Variants in SPMAP2L observed in about 807,000 individuals in gnomAD.
The protein encoded by SPMAP2L is sperm microtubule associated protein 2-like.
chr4:56,535,676 C>G, the SPMAP2L span, among the ~76,000 whole-genome samples: 1 of 152,148 alleles, frequency 6.6e-6, no homozygotes, highest in Non-Finnish European at 1.5e-5. Context: ...GTCTGTGCCT[C>G]GTCCTGCTAC....
At chr4:56,588,250 T>G in the SPMAP2L span, among the ~76,000 whole-genome samples, 1 of 152,160 alleles carries the variant, frequency 6.6e-6, no homozygotes, top group African/African-American at 2.4e-5. Context: ...GAAGATTTTC[T>G]CCCACTCTGT....
chr4:56,598,219 T>C, the SPMAP2L span, among the ~76,000 whole-genome samples: 2 of 152,196 alleles, frequency 1.3e-5, no homozygotes, highest in Non-Finnish European at 2.9e-5. Context: ...TCATCCTAGG[T>C]ATTTTACCAA....
At chr4:56,621,862 C>T in the SPMAP2L span, among the ~76,000 whole-genome samples, 74 of 152,212 alleles carry the variant, frequency 4.9e-4, 1 homozygote, top group African/African-American at 1.5e-3. Flanking sequence ...AGGTGGAGCA[C>T]AGAGGATTTT....
the SPMAP2L span, among the ~76,000 whole-genome samples, chr4:56,570,475 T>A: frequency 6.8e-3 from 1,042 of 152,146 alleles, 17 homozygotes; most frequent in African/African-American, 0.024. Context: ...ACAGAATACC[T>A]TAGGCAATTA....
the SPMAP2L span, chr4:56,575,384 A>G: frequency 8.7e-7 from 1 of 1,143,356 alleles, no homozygotes; most frequent in Non-Finnish European, 1.2e-6. Context: ...TGGAAAATAG[A>G]TCATCAATAA....
At chr4:56,559,515 T>C in the SPMAP2L span, 4 of 1,511,478 alleles carry the variant, frequency 2.6e-6, no homozygotes, top group Non-Finnish European at 3.5e-6. Flanking sequence ...ACTATGTACC[T>C]AACAGGTTAG....
chr4:56,575,654 T>C, the SPMAP2L span: 4 of 1,533,750 alleles, frequency 2.6e-6, no homozygotes, highest in South Asian at 2.4e-5. Flanking sequence ...TAGAGTATCT[T>C]GAGAATCTCT....
At chr4:56,593,609 C>T in the SPMAP2L span, 1 of 1,604,792 alleles carries the variant, frequency 6.2e-7, no homozygotes, top group Non-Finnish European at 8.5e-7. Flanking sequence ...GGGCAGCTCC[C>T]AGAGATTTGG....
chr4:56,559,404 G>C, the SPMAP2L span: 1 of 1,513,884 alleles, frequency 6.6e-7, no homozygotes. Context: ...AACTGTTTTG[G>C]GGAAATCAAG....
the SPMAP2L span, among the ~76,000 whole-genome samples, chr4:56,568,557 T>C: frequency 6.6e-6 from 1 of 152,182 alleles, no homozygotes; most frequent in East Asian, 1.9e-4. Flanking sequence ...TATAAAAGTA[T>C]AGTGGCTTAT....
At chr4:56,614,426 G>T in the SPMAP2L span, among the ~76,000 whole-genome samples, 1 of 152,076 alleles carries the variant, frequency 6.6e-6, no homozygotes, top group South Asian at 2.1e-4. Context: ...AGGCCAAGCC[G>T]GGTGGATCAC....
the SPMAP2L span, chr4:56,595,540 C>T: frequency 2.6e-5 from 38 of 1,467,114 alleles, no homozygotes; most frequent in East Asian, 2.5e-4. Context: ...CCACTGGGAC[C>T]GGCCTTATAT....
the SPMAP2L span, among the ~76,000 whole-genome samples, chr4:56,543,658 C>T: frequency 6.6e-6 from 1 of 151,800 alleles, no homozygotes; most frequent in African/African-American, 2.4e-5. Context: ...CCACTGCACT[C>T]CAGCCTGGGT....
At chr4:56,580,422 G>A in the SPMAP2L span, among the ~76,000 whole-genome samples, 8 of 152,036 alleles carry the variant, frequency 5.3e-5, no homozygotes, top group Admixed American at 5.2e-4. Context: ...CAAAATTCAA[G>A]ATACTTTTAT....
the SPMAP2L span, chr4:56,600,971 G>A: frequency 1.5e-5 from 23 of 1,535,298 alleles, no homozygotes; most frequent in East Asian, 3.2e-4. Flanking sequence ...CCTAGCCCCC[G>A]AACAATAGCT....
the SPMAP2L span, among the ~76,000 whole-genome samples, chr4:56,579,585 C>G: frequency 2.0e-5 from 3 of 151,938 alleles, no homozygotes; most frequent in Admixed American, 2.0e-4. Flanking sequence ...GCCTGGGCAA[C>G]ATAGTGAGAC....
At chr4:56,548,925 A>C in the SPMAP2L span, 2 of 638,448 alleles carry the variant, frequency 3.1e-6, no homozygotes, top group Non-Finnish European at 4.6e-6. Context: ...TGGGGTTTTC[A>C]AAAAGGACAT....
chr4:56,597,415 T>G, the SPMAP2L span, among the ~76,000 whole-genome samples: 3 of 152,166 alleles, frequency 2.0e-5, no homozygotes, highest in Non-Finnish European at 4.4e-5. Flanking sequence ...TCAATTGCAG[T>G]GCCAACTTGG....
chr4:56,600,841 G>A, the SPMAP2L span: 1 of 1,292,088 alleles, frequency 7.7e-7, no homozygotes, highest in African/African-American at 1.5e-5. Flanking sequence ...ATCCAGAAAA[G>A]AAATGATTGT....
Sources: allele counts gnomAD v4.1 joint callset (sites outside exome capture counted in the v4.1 genomes callset), GRCh38; gene constraint gnomAD v4.1.1; transcripts MANE v1.5; gene names NCBI Gene and HGNC (gene_info 2026-07-23, HGNC 2026-07-21).